FNBP1L: variants seen among roughly 807,000 people sequenced by gnomAD.
FNBP1L encodes the protein formin-binding protein 1-like.
Under a neutral mutation model 91.2 loss-of-function variants are expected in FNBP1L, and 36 were observed. The ratio of observed to expected loss-of-function variants is 0.39; its 90% CI spans 0.30 to 0.52. FNBP1L has a LOEUF of 0.52. Ranked by LOEUF, FNBP1L falls within the 20% of genes least tolerant of loss-of-function variation. The pLI is 0.66. For missense variants in FNBP1L, 571 were observed against 732.1 expected (o/e 0.78, Z 2.54); for synonymous variants, 242 against 237.0 (o/e 1.02, Z -0.19).
At chr1:93,523,775 GAAT>G (rs1671411807) in intron 4 of FNBP1L, among the ~76,000 whole-genome samples, 1 of 152,106 alleles carries the variant, frequency 6.6e-6, no homozygotes. Context: ...GTTGAAAAAA[GAAT>G]AATATTTCAT....
Position 93,536,295 on chromosome 1 carries a change from T to G in FNBP1L, c.991-37T>G, listed in dbSNP as rs1207948387. 5 of 1,384,382 alleles carry G rather than the reference T, an allele frequency of 3.6e-6. No homozygotes were observed. In the East Asian group the frequency reaches 1.4e-4, roughly 38 times the overall value. The allele number at this position is 1,384,382 out of a possible 1,614,324, so 85.8% of individuals were successfully genotyped here. ...TTCATTTAGGAGAAAACTATGCACA[T>G]TTGGCTTATTGATTCCTTTCTTTAT... On this transcript the variant is annotated intron_variant, in intron 9 of 16. Transcript: ENST00000271234.
chr1:93,474,533 C>A (rs12742850), intron 1 of FNBP1L, among the ~76,000 whole-genome samples: 9 of 152,160 alleles, frequency 5.9e-5, no homozygotes, highest in East Asian at 1.9e-4. Context: ...ATAGACGTGC[C>A]TAGCCTGAGA....
intron 15 of FNBP1L, among the ~76,000 whole-genome samples, chr1:93,550,323 C>T (rs548939301): frequency 6.6e-6 from 1 of 152,186 alleles, no homozygotes; most frequent in South Asian, 2.1e-4. Flanking sequence ...TAAAACAAAA[C>T]AAAAGAAAAC....
intron 2 of FNBP1L, among the ~76,000 whole-genome samples, chr1:93,500,203 A>G (rs913566416): frequency 6.6e-6 from 1 of 152,186 alleles, no homozygotes. Context: ...AGGGTTTAGG[A>G]TAAAAAAGTG....
At chr1:93,524,705 T>C (rs1671442340) in intron 5 of FNBP1L, among the ~76,000 whole-genome samples, 2 of 151,826 alleles carry the variant, frequency 1.3e-5, no homozygotes, top group South Asian at 4.2e-4. Context: ...ATAATCAAGG[T>C]TCTTTTTCTA....
intron 2 of FNBP1L, among the ~76,000 whole-genome samples, chr1:93,503,703 G>T (rs1187611835): frequency 6.6e-6 from 1 of 152,122 alleles, no homozygotes; most frequent in East Asian, 1.9e-4. Flanking sequence ...ATGGAAAATG[G>T]TTACTTCAGA....
At chr1:93,518,795 T>A (rs1671220588) in intron 2 of FNBP1L, among the ~76,000 whole-genome samples, 1 of 152,210 alleles carries the variant, frequency 6.6e-6, no homozygotes, top group Non-Finnish European at 1.5e-5. Flanking sequence ...TGTGCAACCA[T>A]AACCACAATT....
intron 1 of FNBP1L, among the ~76,000 whole-genome samples, chr1:93,489,635 T>G (rs1049128749): frequency 1.3e-5 from 2 of 152,038 alleles, no homozygotes; most frequent in African/African-American, 4.8e-5. Flanking sequence ...AATTTAAATT[T>G]AAGAAAAAAT....
intron 2 of FNBP1L, among the ~76,000 whole-genome samples, chr1:93,513,223 A>T (rs948250342): frequency 9.2e-5 from 14 of 151,976 alleles, no homozygotes; most frequent in African/African-American, 2.2e-4. Flanking sequence ...AACCAGGAAG[A>T]AGTTGAATCT....
chr1:93,530,898 T>G lies in FNBP1L; in HGVS notation c.639+15T>G. On this transcript the variant is annotated intron_variant, in intron 7 of 16. Transcript: ENST00000271234. ...AGATTTACAAGGTAAATCTTAGATA[T>G]GAAGTTAATCTAGTTTTAGATTAAC... is the stretch of plus-strand genomic sequence containing the variant. 6.6e-7 allele frequency: 1 copy of G among 1,517,126 alleles called. No homozygotes were observed. Among genetic ancestry groups the G allele is most frequent in the Non-Finnish European group, 8.9e-7 (1 of 1,126,316 alleles). 94.0% of individuals were successfully genotyped at this position (1,517,126 alleles called of 1,614,324 possible). A position where few individuals can be genotyped will look rare whatever the true frequency, so the allele number is the denominator to read the frequency against.
At chr1:93,450,373 A>C (rs1212749536) in intron 1 of FNBP1L, among the ~76,000 whole-genome samples, 1 of 152,178 alleles carries the variant, frequency 6.6e-6, no homozygotes, top group Non-Finnish European at 1.5e-5. Context: ...TTTTCTCAAC[A>C]TTTAATACAT....
chr1:93,499,406 T>TA (rs1454753448), intron 1 of FNBP1L, 62 bp from the exon 2 acceptor site: 6 of 1,084,730 alleles, frequency 5.5e-6, no homozygotes, highest in Admixed American at 2.2e-5. Flanking sequence ...CAGAAGCTGT[T>TA]AAAAATATCT....
intron 1 of FNBP1L, among the ~76,000 whole-genome samples, chr1:93,470,678 G>A (rs947907026): frequency 3.3e-5 from 5 of 151,960 alleles, no homozygotes; most frequent in Non-Finnish European, 7.4e-5. Context: ...TTCAAGATTA[G>A]CCTGGCCAAC....
intron 10 of FNBP1L, among the ~76,000 whole-genome samples, chr1:93,540,365 T>C (rs1671996156): frequency 6.6e-6 from 1 of 152,126 alleles, no homozygotes; most frequent in Non-Finnish European, 1.5e-5. Context: ...AAATAAAACC[T>C]GAAAAATGGA....
intron 2 of FNBP1L, among the ~76,000 whole-genome samples, chr1:93,508,091 T>C (rs1056939986): frequency 1.3e-5 from 2 of 151,916 alleles, no homozygotes; most frequent in African/African-American, 2.4e-5. Context: ...CTAACCCCCA[T>C]AATCCCAGCA....
intron 1 of FNBP1L, among the ~76,000 whole-genome samples, chr1:93,471,272 T>C (rs1669275857): frequency 6.6e-6 from 1 of 152,250 alleles, no homozygotes; most frequent in African/African-American, 2.4e-5. Flanking sequence ...TTTTGGATTT[T>C]GGAATGTTTC....
chr1:93,473,388 C>T (rs995578361), intron 1 of FNBP1L, among the ~76,000 whole-genome samples: 2 of 152,096 alleles, frequency 1.3e-5, no homozygotes, highest in African/African-American at 4.8e-5. Context: ...GTGGTATTCC[C>T]ATTTTACAGA....
chr1:93,522,035 C>A, intron 2 of FNBP1L, 47 bp from the exon 3 acceptor site: 1 of 1,202,888 alleles, frequency 8.3e-7, no homozygotes, highest in Non-Finnish European at 1.1e-6. Flanking sequence ...TCAATTGTAA[C>A]AATAGTTGAA....
chr1:93,518,637 G>C (rs1671212130), intron 2 of FNBP1L, among the ~76,000 whole-genome samples: 1 of 152,144 alleles, frequency 6.6e-6, no homozygotes, highest in Non-Finnish European at 1.5e-5. Context: ...TTTTAGACTT[G>C]TTGAATAGAG....
Sources: allele counts gnomAD v4.1 joint callset (sites outside exome capture counted in the v4.1 genomes callset), GRCh38; gene constraint gnomAD v4.1.1; transcripts MANE v1.5; gene names NCBI Gene and HGNC (gene_info 2026-07-23, HGNC 2026-07-21).